SLC26A3: variants seen among roughly 807,000 people sequenced by gnomAD.
SLC26A3 encodes the protein chloride anion exchanger.
A neutral mutation model predicts 85.6 loss-of-function variants in SLC26A3; 64 were observed. That is an observed-to-expected ratio of 0.75 (90% CI 0.61 to 0.92). SLC26A3 has a LOEUF of 0.92. SLC26A3 is among the 40% of genes least tolerant of loss of function. The pLI, the probability that SLC26A3 is intolerant of heterozygous loss-of-function variation, is 0.00. For missense variants in SLC26A3, 922 were observed against 927.3 expected (o/e 0.99, Z 0.07); for synonymous variants, 349 against 336.0 (o/e 1.04, Z -0.42).
In SLC26A3 at chr7:107,794,406, A is replaced by G. The variant is rs144627478; in HGVS notation, c.104T>C (p.Phe35Ser). The G allele has an allele frequency of 1.2e-6, 2 of 1,613,952 alleles. No individual in the cohort carries two copies. Among genetic ancestry groups the G allele is most frequent in the African/African-American group, 2.7e-5 (2 of 74,924 alleles). ...ACAACACACTTTGAGATGATCCAGA[A>G]ATGTCTTATGATGTCTTCCTGTCTT... ...HKKTGRHHKT[F>S]LDHLKVCCSC... The change falls in exon 2 of 21, where the codon TTT becomes TCT. Residue 35 changes from phenylalanine to serine, a missense_variant. Physicochemically the swap from Phe to Ser is radical, Grantham distance 155. Coordinates refer to ENST00000340010, the MANE Select transcript of SLC26A3 (RefSeq NM_000111.3).
intron 13 of SLC26A3, among the ~76,000 whole-genome samples, chr7:107,777,808 T>G (rs573541746): frequency 6.2e-4 from 94 of 152,128 alleles, no homozygotes; most frequent in Non-Finnish European, 1.1e-3. Context: ...TCTCACAATC[T>G]CAGTAACACA....
At position 107,791,163 on chromosome 7, in the gene SLC26A3, C is replaced by T. The variant is rs763721296; in HGVS notation, c.455G>A (p.Arg152His). Residue 152 changes from arginine (R) to histidine (H), a missense_variant, in exon 5 of 21, where the codon CGC (arginine) becomes CAC (histidine). Coordinates refer to ENST00000340010, the MANE Select transcript of SLC26A3 (RefSeq NM_000111.3). ...SGAVSKAVPDRNATTLGLPNN... is the reference protein window; with the variant it reads ...SGAVSKAVPDHNATTLGLPNN... The stretch of plus-strand genomic sequence containing the variant: ...AGGCAATCCCAAAGTAGTTGCATTG[C>T]GATCTGGGACTGCTTTTGAAACTGC... 1.3e-5 allele frequency: 21 copies of T among 1,614,046 alleles called. No homozygotes were observed. The highest frequency in any genetic ancestry group is 6.7e-5 in the African/African-American group (5 of 74,920).
intron 6 of SLC26A3, among the ~76,000 whole-genome samples, chr7:107,788,750 TTTTTTCTTTTCTTTTC>T (rs1794339797): frequency 6.6e-6 from 1 of 151,360 alleles, no homozygotes; most frequent in Non-Finnish European, 1.5e-5. Context: ...TTTCGTTTCC[TTTTTTCTTTTCTTTTC>T]TTTTTCTTTT....
intron 8 of SLC26A3, among the ~76,000 whole-genome samples, chr7:107,785,068 T>C (rs1346596752): frequency 6.6e-6 from 1 of 151,912 alleles, no homozygotes; most frequent in Non-Finnish European, 1.5e-5. Flanking sequence ...GAAAAAAAAA[T>C]GGAGCATAAA....
At chr7:107,787,188 G>A (rs1004808533) in intron 7 of SLC26A3, among the ~76,000 whole-genome samples, 169 bp downstream of exon 7, 7 of 152,156 alleles carry the variant, frequency 4.6e-5, no homozygotes, top group African/African-American at 1.7e-4. Context: ...AAAATCATAA[G>A]AGGAAGTTAT....
At chr7:107,773,861 ATT>A in intron 17 of SLC26A3, 57 bp downstream of exon 17, 1 of 1,321,080 alleles carries the variant, frequency 7.6e-7, no homozygotes, top group Non-Finnish European at 1.1e-6. Context: ...CACAAATACA[ATT>A]TTTTTTTTAA....
At chr7:107,778,998 A>C (rs1211481022) in intron 12 of SLC26A3, among the ~76,000 whole-genome samples, 1 of 152,164 alleles carries the variant, frequency 6.6e-6, no homozygotes, top group Non-Finnish European at 1.5e-5. Context: ...CTCTTAAAAA[A>C]AAATCAGCAA....
intron 15 of SLC26A3, 116 bp from the exon 16 acceptor site, chr7:107,774,988 T>C (rs878904498): frequency 2.0e-5 from 17 of 844,158 alleles, no homozygotes; most frequent in South Asian, 1.4e-4. Context: ...ATAAAAATAT[T>C]TGTGACAAAA....
chr7:107,793,606 G>T (rs975265483), intron 3 of SLC26A3, 136 bp downstream of exon 3: 8 of 673,852 alleles, frequency 1.2e-5, no homozygotes, highest in Admixed American at 4.9e-5. Flanking sequence ...TTAGGGGTTG[G>T]TGGTGGTGAA....
chr7:107,789,495 A>G (rs188396229), intron 6 of SLC26A3, 29 bp downstream of exon 6: 2 of 1,601,162 alleles, frequency 1.2e-6, no homozygotes, highest in African/African-American at 2.7e-5. Context: ...CATGTATTTC[A>G]GTATTTTTTA....
chr7:107,794,380 T>C lies in SLC26A3; in HGVS notation c.130A>G (p.Ser44Gly), dbSNP rs1794458813. ...CCAATACCTTAAAAAATATCTTACC[T>C]ACAACACACTTTGAGATGATCCAGA... ...TFLDHLKVCCSCSPQKAKRIV... is the reference protein window; with the variant it reads ...TFLDHLKVCCGCSPQKAKRIV... The change falls in exon 2 of 21, where the codon AGC becomes GGC. Residue 44 changes from serine (S) to glycine (G), a missense_variant and splice_region_variant. Coordinates refer to ENST00000340010, the MANE Select transcript of SLC26A3 (RefSeq NM_000111.3). The C allele has an allele frequency of 1.2e-6, 2 of 1,613,950 alleles. No individual in the cohort carries two copies. Among genetic ancestry groups the C allele is most frequent in the Non-Finnish European group, 1.7e-6 (2 of 1,179,858 alleles).
chr7:107,769,041 A>G (rs2115787832), intron 18 of SLC26A3, among the ~76,000 whole-genome samples: 1 of 152,302 alleles, frequency 6.6e-6, no homozygotes, highest in South Asian at 2.1e-4. Context: ...TGGGATGATG[A>G]GGAAAGGGTA....
Position 107,794,393 on chromosome 7 carries a change from G to A in SLC26A3, c.117C>T (p.Leu39=). 1 of 1,613,990 alleles carries A rather than the reference G, an allele frequency of 6.2e-7. No individual in the cohort carries two copies. The highest frequency in any genetic ancestry group is 2.2e-5 in the East Asian group (1 of 44,870). The part of the protein sequence containing the change: ...GRHHKTFLDH[L]KVCCSCSPQK... ...AAATATCTTACCTACAACACACTTTGAGATGATCCAGAAATGTCTTATGAT... is the reference window on the plus strand; with the variant it reads ...AAATATCTTACCTACAACACACTTTAAGATGATCCAGAAATGTCTTATGAT... Residue 39 remains leucine (L), a synonymous_variant, in exon 2 of 21, where the codon CTC becomes CTT. Coordinates refer to ENST00000340010, the MANE Select transcript of SLC26A3 (RefSeq NM_000111.3).
rs1793898463 is a variant in SLC26A3, at chr7:107,765,587, G to A, written c.*268C>T. ...ATGCATGAAGGTAGTGACTAGGATG[G>A]AAATCTGTCAGTGCTACAAAAATAT... On this transcript the variant is annotated 3_prime_UTR_variant, in exon 21 of 21. Transcript: ENST00000340010. The A allele has an allele frequency of 2.6e-5, 11 of 416,448 alleles. 1 individual carries two copies. The South Asian group carries it at 3.7e-4, about 14-fold the overall frequency. The allele number at this position is 416,448 out of a possible 1,614,324, so 25.8% of individuals were successfully genotyped here.
rs138568010 is a variant in SLC26A3 at position 107,784,211 on chromosome 7, T to C, written c.972-859A>G. Among the ~76,000 whole-genome samples the C allele has an allele frequency of 5.6e-3, 852 of 152,340 alleles. 3 individuals carry two copies. Among genetic ancestry groups the C allele is most frequent in the Non-Finnish European group, 9.0e-3 (611 of 68,030 alleles). On this transcript the variant is annotated intron_variant, in intron 8 of 20. Coordinates refer to ENST00000340010, the MANE Select transcript of SLC26A3 (RefSeq NM_000111.3). ...ATTTTGAAGAAGTACTATTATACCA[T>C]AATTTTGAAGAAGTACTATTATATC...
At position 107,773,147 on chromosome 7, in the gene SLC26A3, A is replaced by G. The variant is rs567220545; in HGVS notation, c.2007+773T>C. ...TGTTTCAGTCGTGTTTTGAAATCAC[A>G]TGTGACATTTATTCTTTCATATATC... On this transcript the variant is annotated intron_variant, in intron 17 of 20. Transcript: ENST00000340010. 5.9e-5 allele frequency among the ~76,000 whole-genome samples: 9 copies of G among 152,386 alleles called. No individual in the cohort carries two copies. In the South Asian group the frequency reaches 1.4e-3, roughly 25 times the overall value.
At chr7:107,775,479 C>T (rs974511749) in intron 15 of SLC26A3, among the ~76,000 whole-genome samples, 3 of 151,944 alleles carry the variant, frequency 2.0e-5, no homozygotes, top group African/African-American at 7.3e-5. Context: ...AATCCTAGCA[C>T]TTTGGGAGGC....
In SLC26A3 at chr7:107,765,709, A is replaced by G. The variant is rs1793901004; in HGVS notation, c.*146T>C. 3.2e-6 allele frequency: 2 copies of G among 618,724 alleles called. No individual in the cohort carries two copies. The highest frequency in any genetic ancestry group is 2.7e-5 in the East Asian group (1 of 36,540). The allele number at this position is 618,724 out of a possible 1,614,324, so 38.3% of individuals were successfully genotyped here. On this transcript the variant is annotated 3_prime_UTR_variant, in exon 21 of 21. Coordinates refer to ENST00000340010, the MANE Select transcript of SLC26A3 (RefSeq NM_000111.3). ...ATACTAGATATGTGAAAAATATGCC[A>G]TGCTAGAACCATCTTGTTCCAAAGT...
chr7:107,777,275 G>A (rs1453634966), intron 13 of SLC26A3, among the ~76,000 whole-genome samples: 1 of 152,154 alleles, frequency 6.6e-6, no homozygotes, highest in Non-Finnish European at 1.5e-5. Context: ...GCAACCACAT[G>A]GTAGTGATGT....
Sources: allele counts gnomAD v4.1 joint callset (sites outside exome capture counted in the v4.1 genomes callset), GRCh38; gene constraint gnomAD v4.1.1; transcripts MANE v1.5; gene names NCBI Gene and HGNC (gene_info 2026-07-23, HGNC 2026-07-21).